The following FRMD4B variants were observed in gnomAD, a reference collection of about 807,000 sequenced individuals.
The protein encoded by FRMD4B is FERM domain-containing protein 4B.
A neutral mutation model predicts 141.5 loss-of-function variants in FRMD4B; 74 were observed. That is an observed-to-expected ratio of 0.52 (90% CI 0.43 to 0.63). FRMD4B has a LOEUF of 0.63. Among genes scored for constraint, FRMD4B ranks in the 30% least tolerant of loss-of-function variants. The pLI, the probability that FRMD4B is intolerant of heterozygous loss-of-function variation, is 0.00. For missense variants in FRMD4B, 1,366 were observed against 1,253.4 expected (o/e 1.09, Z -1.36); for synonymous variants, 506 against 467.9 (o/e 1.08, Z -1.05).
At chr3:69,541,788 T>C (rs1559557877) in intron 1 of FRMD4B, among the ~76,000 whole-genome samples, 1 of 135,794 alleles carries the variant, frequency 7.4e-6, no homozygotes, top group East Asian at 2.3e-4. Context: ...CTCCAGGGAT[T>C]TCCCCCCCCT....
intron 1 of FRMD4B, among the ~76,000 whole-genome samples, chr3:69,365,828 A>C (rs989917770): frequency 6.6e-6 from 1 of 152,084 alleles, no homozygotes; most frequent in Non-Finnish European, 1.5e-5. Flanking sequence ...AATTCCTTCC[A>C]AATTCCAGCA....
In FRMD4B at chr3:69,205,059, C is replaced by CCAAAAAAAAAAA. The variant is rs2093009909; in HGVS notation, c.877-6286_877-6285insTTTTTTTTTTTG. 4.8e-5 allele frequency among the ~76,000 whole-genome samples: 6 copies of CCAAAAAAAAAAA among 124,440 alleles called. No individual in the cohort carries two copies. In the South Asian group the frequency reaches 1.3e-3, roughly 27 times the overall value. 81.6% of individuals were successfully genotyped at this position (124,440 alleles called of 152,430 possible). A position where few individuals can be genotyped will look rare whatever the true frequency, so the allele number is the denominator to read the frequency against. On this transcript the variant is annotated intron_variant, in intron 11 of 22. Coordinates refer to ENST00000398540, the MANE Select transcript of FRMD4B (RefSeq NM_015123.3). ...GTATGGGTATCTGTTATGTTTTTAA[C>CCAAAAAAAAAAA]AAAAAAAAAAAAAAAGAAAAAGAGA...
chr3:69,253,971 T>C (rs938917334), intron 5 of FRMD4B, among the ~76,000 whole-genome samples: 3 of 152,044 alleles, frequency 2.0e-5, no homozygotes, highest in African/African-American at 7.2e-5. Flanking sequence ...TTCCCACTAC[T>C]AGGGAGGCTG....
intron 1 of FRMD4B, among the ~76,000 whole-genome samples, chr3:69,507,210 C>T (rs997002962): frequency 1.3e-5 from 2 of 152,130 alleles, no homozygotes; most frequent in Non-Finnish European, 2.9e-5. Context: ...TTTAAATAGG[C>T]AGTATATACA....
chr3:69,364,851 C>T (rs1462202653), intron 1 of FRMD4B, among the ~76,000 whole-genome samples: 3 of 150,236 alleles, frequency 2.0e-5, no homozygotes, highest in Admixed American at 1.3e-4. Flanking sequence ...TCTCCTACCC[C>T]AAGCTTTCTC....
chr3:69,181,555 T>A lies in FRMD4B; in HGVS notation c.2195A>T (p.Tyr732Phe). The A allele has an allele frequency of 6.2e-7, 1 of 1,613,952 alleles. No individual in the cohort carries two copies. The highest frequency in any genetic ancestry group is 8.5e-7 in the Non-Finnish European group (1 of 1,179,864). ...STEILDDGSS[Y>F]TSQSSTEYYC... Reference sequence around the variant, plus strand: ...ATACTCTGTGCTTGATTGGCTTGTATAAGAAGACCCGTCATCGAGGATTTC... The same window carrying A: ...ATACTCTGTGCTTGATTGGCTTGTAAAAGAAGACCCGTCATCGAGGATTTC... The change falls in exon 21 of 23, where the codon TAT becomes TTT. Residue 732 changes from tyrosine to phenylalanine, a missense_variant. Tyr to Phe is a conservative substitution (Grantham distance 22, BLOSUM62 3). Transcript: ENST00000398540.
At chr3:69,471,463 C>A (rs1168735210) in intron 1 of FRMD4B, 2 of 261,424 alleles carry the variant, frequency 7.7e-6, no homozygotes, top group South Asian at 7.7e-5. Context: ...AACCTTTTGC[C>A]CTATTAATTT....
chr3:69,209,013 G>A (rs1022400361), intron 11 of FRMD4B, among the ~76,000 whole-genome samples: 15 of 152,104 alleles, frequency 9.9e-5, no homozygotes, highest in South Asian at 2.1e-4. Flanking sequence ...GCGTGGTGGC[G>A]TGCGCCTGTA....
intron 1 of FRMD4B, among the ~76,000 whole-genome samples, chr3:69,469,169 T>A (rs1442908088): frequency 1.3e-5 from 2 of 152,198 alleles, no homozygotes; most frequent in Non-Finnish European, 2.9e-5. Flanking sequence ...GATGTAGTTG[T>A]TATTCTGGGT....
intron 5 of FRMD4B, among the ~76,000 whole-genome samples, chr3:69,260,856 G>T (rs1001356152): frequency 6.6e-6 from 1 of 152,214 alleles, no homozygotes; most frequent in East Asian, 1.9e-4. Flanking sequence ...GGCACTTGGA[G>T]AACTTTTATA....
rs72939698 is a variant in FRMD4B at position 69,425,685 on chromosome 3, T to A, written c.-1+6949A>T. ...AATTCCCAATTCATTCAATCCTCAC[T>A]GTGATGTTTTGCACTTGGTACAAAG... is the stretch of plus-strand genomic sequence containing the variant. On this transcript the variant is annotated intron_variant, in intron 2 of 5. Transcript: ENST00000459638. Among the ~76,000 whole-genome samples, 1,383 of 152,348 alleles carry A rather than the reference T, an allele frequency of 9.1e-3. 22 individuals are homozygous for A. The highest frequency in any genetic ancestry group is 0.032 in the African/African-American group (1,313 of 41,584).
chr3:69,211,163 C>A (rs930087132), intron 11 of FRMD4B, among the ~76,000 whole-genome samples: 8 of 152,106 alleles, frequency 5.3e-5, no homozygotes, highest in Admixed American at 6.5e-5. Context: ...TGTCTTCTCA[C>A]TACTACTAAT....
At chr3:69,268,747 C>G (rs943123526) in intron 5 of FRMD4B, among the ~76,000 whole-genome samples, 1 of 151,834 alleles carries the variant, frequency 6.6e-6, no homozygotes, top group Non-Finnish European at 1.5e-5. Flanking sequence ...TCCTATCTGG[C>G]TGTTTTGCAT....
At chr3:69,318,712 G>A (rs1179283396) in intron 1 of FRMD4B, among the ~76,000 whole-genome samples, 4 of 152,176 alleles carry the variant, frequency 2.6e-5, no homozygotes, top group South Asian at 2.1e-4. Flanking sequence ...GATGTATTTT[G>A]TTCACCACAA....
At chr3:69,250,726 C>CTTTTTT (rs543092302) in intron 5 of FRMD4B, among the ~76,000 whole-genome samples, 13 of 134,380 alleles carry the variant, frequency 9.7e-5, no homozygotes, top group Admixed American at 4.5e-4. Context: ...ATCAGTTTTC[C>CTTTTTT]TTTTTTTTTT....
At chr3:69,524,473 T>C (rs1349069660) in intron 1 of FRMD4B, among the ~76,000 whole-genome samples, 1 of 152,208 alleles carries the variant, frequency 6.6e-6, no homozygotes, top group East Asian at 1.9e-4. Context: ...TCAGTTAGAA[T>C]GTAGGTGCTT....
At chr3:69,354,444 G>A (rs1048242437) in intron 1 of FRMD4B, among the ~76,000 whole-genome samples, 6 of 152,104 alleles carry the variant, frequency 3.9e-5, no homozygotes, top group Non-Finnish European at 8.8e-5. Flanking sequence ...CAGGAGTATG[G>A]TATGGTTAAG....
rs780962331 is a variant in FRMD4B, at chr3:69,179,893, A to T, written c.2851+1006T>A. ...ATGTGGCTGCTCATTTGCTGAATAAATAAAACCATACACAGAGCCTCCCCT... is the reference window on the plus strand; with the variant it reads ...ATGTGGCTGCTCATTTGCTGAATAATTAAAACCATACACAGAGCCTCCCCT... On this transcript the variant is annotated intron_variant, in intron 21 of 22. Transcript: ENST00000398540. Among the ~76,000 whole-genome samples the T allele has an allele frequency of 5.8e-4, 88 of 152,196 alleles. 1 individual carries two copies. The highest frequency in any genetic ancestry group is 2.4e-3 in the Admixed American group (36 of 15,292).
chr3:69,267,242 G>T (rs991979005), intron 5 of FRMD4B, among the ~76,000 whole-genome samples: 3 of 152,116 alleles, frequency 2.0e-5, no homozygotes, highest in Non-Finnish European at 4.4e-5. Context: ...TAAGGCAGCT[G>T]CCCTATACTC....
Sources: gnomAD v4.1 joint callset for allele counts (sites outside exome capture counted in the v4.1 genomes callset) on GRCh38, gnomAD v4.1.1 for gene constraint, MANE v1.5 for transcripts, NCBI Gene and HGNC (gene_info 2026-07-23, HGNC 2026-07-21) for gene names.